The following MACROD2 variants were observed in gnomAD, a reference collection of about 807,000 sequenced individuals.
MACROD2 encodes the protein ADP-ribose glycohydrolase MACROD2.
A neutral mutation model predicts 70.4 loss-of-function variants in MACROD2; 36 were observed. The ratio of observed to expected loss-of-function variants is 0.51; its 90% confidence interval spans 0.39 to 0.68. The LOEUF (loss-of-function observed/expected upper bound fraction) is 0.68, where lower values mean the gene tolerates loss of function less well. MACROD2 is among the 30% of genes least tolerant of loss of function. The pLI, the probability that MACROD2 is intolerant of heterozygous loss-of-function variation, is 0.00. For missense variants in MACROD2, 496 were observed against 538.4 expected, an observed-to-expected ratio of 0.92 and a Z score of 0.78; for synonymous variants, 172 against 178.8, an observed-to-expected ratio of 0.96 and a Z score of 0.30.
chr20:15,569,681 T>C (rs1398759476), intron 8 of MACROD2, among the ~76,000 whole-genome samples: 3 of 152,198 alleles, frequency 2.0e-5, no homozygotes, highest in Non-Finnish European at 4.4e-5. Context: ...TGTTTAGCAT[T>C]ACGTCCTCCA....
chr20:14,934,940 C>G (rs1361261407), intron 5 of MACROD2: 1 of 152,140 alleles, frequency 6.6e-6, no homozygotes, highest in Admixed American at 6.5e-5. Flanking sequence ...CCAGAGTGCT[C>G]TCTTTTCTCT....
chr20:15,427,952 C>T (rs980920685), intron 6 of MACROD2, among the ~76,000 whole-genome samples: 1 of 152,210 alleles, frequency 6.6e-6, no homozygotes, highest in South Asian at 2.1e-4. Flanking sequence ...CTGGTAGCAT[C>T]CAGGGGTGCT....
At chr20:14,968,742 G>A (rs909246299) in intron 5 of MACROD2, among the ~76,000 whole-genome samples, 14 of 152,180 alleles carry the variant, frequency 9.2e-5, no homozygotes, top group Admixed American at 8.5e-4. Flanking sequence ...TGCTGGCTGG[G>A]GACCACAGTT....
At chr20:14,677,581 C>G (rs1015620845) in intron 4 of MACROD2, among the ~76,000 whole-genome samples, 1 of 152,182 alleles carries the variant, frequency 6.6e-6, no homozygotes, top group South Asian at 2.1e-4. Context: ...TATGTCAGTA[C>G]AGCAGAAAGC....
intron 6 of MACROD2, among the ~76,000 whole-genome samples, chr20:15,297,239 C>A (rs2077598748): frequency 6.6e-6 from 1 of 152,160 alleles, no homozygotes; most frequent in Admixed American, 6.5e-5. Flanking sequence ...CCTGTTGATA[C>A]ACTCACCCAA....
At chr20:14,856,880 T>C (rs1451423081) in intron 5 of MACROD2, among the ~76,000 whole-genome samples, 1 of 152,106 alleles carries the variant, frequency 6.6e-6, no homozygotes, top group Non-Finnish European at 1.5e-5. Flanking sequence ...CTCTCAAATA[T>C]ACAGTCCTTT....
intron 3 of MACROD2, among the ~76,000 whole-genome samples, chr20:14,199,778 TATA>T (rs2081463623): frequency 6.6e-6 from 1 of 152,192 alleles, no homozygotes; most frequent in Non-Finnish European, 1.5e-5. Context: ...TTTTAGTCTT[TATA>T]ACAGTTTTTT....
chr20:14,122,402 A>G (rs185047705), intron 3 of MACROD2, among the ~76,000 whole-genome samples: 1 of 152,200 alleles, frequency 6.6e-6, no homozygotes. Flanking sequence ...TACTGCACCT[A>G]GGGTAAACTA....
intron 15 of MACROD2, among the ~76,000 whole-genome samples, chr20:16,025,983 TA>T (rs71192315): frequency 8.9e-4 from 125 of 139,934 alleles, no homozygotes; most frequent in Admixed American, 1.1e-3. Flanking sequence ...CCATCTCTAC[TA>T]AAAAAAAAAA....
intron 8 of MACROD2, among the ~76,000 whole-genome samples, chr20:15,602,497 C>T (rs935647369): frequency 1.3e-5 from 2 of 152,202 alleles, no homozygotes; most frequent in Non-Finnish European, 2.9e-5. Context: ...AGTCTGCCTT[C>T]TGGAGAACCC....
chr20:14,735,609 A>G (rs1269391747), intron 5 of MACROD2, among the ~76,000 whole-genome samples: 1 of 152,122 alleles, frequency 6.6e-6, no homozygotes, highest in African/African-American at 2.4e-5. Flanking sequence ...GCACTTTAGG[A>G]GGCTGAGGTG....
At chr20:15,051,682 G>C (rs996430275) in intron 5 of MACROD2, among the ~76,000 whole-genome samples, 1 of 151,634 alleles carries the variant, frequency 6.6e-6, no homozygotes, top group African/African-American at 2.4e-5. Context: ...ATCTTGGTTA[G>C]TGTTTAATTG....
intron 12 of MACROD2, among the ~76,000 whole-genome samples, chr20:15,947,620 A>G (rs1207572121): frequency 6.6e-6 from 1 of 152,098 alleles, no homozygotes; most frequent in African/African-American, 2.4e-5. Flanking sequence ...CCCTTTCTAC[A>G]TAGACACAGT....
chr20:16,009,116 C>T (rs2066827942), intron 15 of MACROD2, among the ~76,000 whole-genome samples: 1 of 152,158 alleles, frequency 6.6e-6, no homozygotes, highest in Non-Finnish European at 1.5e-5. Flanking sequence ...GAAGAATTGA[C>T]AGGGCCATGC....
intron 4 of MACROD2, among the ~76,000 whole-genome samples, chr20:14,570,221 A>G (rs1377868761): frequency 1.3e-5 from 2 of 152,072 alleles, no homozygotes; most frequent in African/African-American, 2.4e-5. Flanking sequence ...CACAAGCTCA[A>G]TGTTGAGTGA....
chr20:14,303,383 C>T (rs1257015581), intron 3 of MACROD2, among the ~76,000 whole-genome samples: 1 of 152,250 alleles, frequency 6.6e-6, no homozygotes, highest in East Asian at 1.9e-4. Flanking sequence ...GGTAGAAGGG[C>T]CACATCCACA....
chr20:14,335,443 CTTAA>C (rs755646117), intron 3 of MACROD2, among the ~76,000 whole-genome samples: 1 of 151,972 alleles, frequency 6.6e-6, no homozygotes, highest in Non-Finnish European at 1.5e-5. Context: ...TTGTAGGCTC[CTTAA>C]TTAACACTTG....
At chr20:14,876,225 T>G (rs73089939) in intron 5 of MACROD2, among the ~76,000 whole-genome samples, 9,131 of 143,732 alleles carry the variant, frequency 0.064, 373 homozygotes, top group Non-Finnish European at 0.095. Flanking sequence ...TAATAATTAG[T>G]GAGGGTGATC....
chr20:15,953,430 C>G (rs1413951845), intron 12 of MACROD2, among the ~76,000 whole-genome samples: 2 of 152,054 alleles, frequency 1.3e-5, no homozygotes, highest in Admixed American at 1.3e-4. Context: ...TTACCCCAAT[C>G]TGATCACTCT....
Sources: allele counts gnomAD v4.1 joint callset (sites outside exome capture counted in the v4.1 genomes callset), GRCh38; gene constraint gnomAD v4.1.1; transcripts MANE v1.5; gene names NCBI Gene and HGNC (gene_info 2026-07-23, HGNC 2026-07-21).